R3HDM2: variants seen among roughly 807,000 people sequenced by gnomAD.
R3HDM2 encodes the protein R3H domain-containing protein 2.
R3HDM2 carries 38 observed loss-of-function variants against 124.5 expected under a neutral mutation model. That is an observed-to-expected ratio of 0.31 (90% CI 0.24 to 0.40). The LOEUF (loss-of-function observed/expected upper bound fraction) is 0.40, where lower values mean the gene tolerates loss of function less well. R3HDM2 is among the 10% of genes least tolerant of loss of function. R3HDM2 has a pLI of 1.00. For missense variants in R3HDM2, 869 were observed against 1,236.9 expected (o/e 0.70, Z 4.46); for synonymous variants, 391 against 448.0 (o/e 0.87, Z 1.61).
At chr12:57,272,273 G>A (rs2043749155) in intron 14 of R3HDM2, among the ~76,000 whole-genome samples, 1 of 152,122 alleles carries the variant, frequency 6.6e-6, no homozygotes, top group Non-Finnish European at 1.5e-5. Context: ...TTGATGTGCT[G>A]TGATGAGGCC....
chr12:57,391,325 G>A (rs2066651559), intron 2 of R3HDM2, among the ~76,000 whole-genome samples: 1 of 152,180 alleles, frequency 6.6e-6, no homozygotes, highest in East Asian at 1.9e-4. Flanking sequence ...AAGTGGGGCA[G>A]GGGTTGGGGT....
rs551843724 is a variant in R3HDM2, at chr12:57,285,793, C to T, written c.939-1737G>A. On this transcript the variant is annotated intron_variant, in intron 12 of 23. Coordinates refer to ENST00000402412, the MANE Select transcript of R3HDM2 (RefSeq NM_001394031.1). Reference sequence around the variant, plus strand: ...GCAAGACAAGTCCTAAAGGCCTTTTCCACTGAAAAGGAAATCCTGCCATTT... The same window carrying T: ...GCAAGACAAGTCCTAAAGGCCTTTTTCACTGAAAAGGAAATCCTGCCATTT... Among the ~76,000 whole-genome samples, 100 of 152,274 alleles carry T rather than the reference C, an allele frequency of 6.6e-4. 1 individual carries two copies. The highest frequency in any genetic ancestry group is 2.4e-3 in the African/African-American group (98 of 41,566).
intron 1 of R3HDM2, among the ~76,000 whole-genome samples, chr12:57,417,147 T>TA (rs920323644): frequency 2.2e-4 from 33 of 149,818 alleles, no homozygotes; most frequent in African/African-American, 8.2e-4. Context: ...AAAGCCTAGG[T>TA]AATCCCAGCA....
intron 2 of R3HDM2, among the ~76,000 whole-genome samples, chr12:57,370,708 T>C (rs1452668056): frequency 1.3e-5 from 2 of 152,170 alleles, no homozygotes; most frequent in Admixed American, 1.3e-4. Flanking sequence ...AGTATGTTTA[T>C]AGCAGTGTGA....
intron 2 of R3HDM2, among the ~76,000 whole-genome samples, chr12:57,321,621 A>C (rs1168456352): frequency 6.6e-6 from 1 of 152,164 alleles, no homozygotes; most frequent in Non-Finnish European, 1.5e-5. Context: ...ATTGCACTCC[A>C]GGCTGGGCAA....
intron 1 of R3HDM2, among the ~76,000 whole-genome samples, chr12:57,402,410 G>A (rs777131520): frequency 1.3e-5 from 2 of 152,180 alleles, no homozygotes; most frequent in Middle Eastern, 6.9e-3. Context: ...GTGCAGTGAC[G>A]CCATTTCAGC....
intron 14 of R3HDM2, among the ~76,000 whole-genome samples, chr12:57,270,951 G>A (rs761565885): frequency 1.3e-5 from 2 of 152,254 alleles, no homozygotes; most frequent in Admixed American, 6.5e-5. Context: ...ACAAACTAGC[G>A]GCTTAACGAA....
intron 18 of R3HDM2, 150 bp from the exon 19 acceptor site, chr12:57,266,981 T>C: frequency 1.7e-6 from 1 of 577,610 alleles, no homozygotes; most frequent in Non-Finnish European, 3.1e-6. Flanking sequence ...ATTTCTAAAA[T>C]CACTCATCAG....
At chr12:57,404,200 G>A (rs2068312139) in intron 1 of R3HDM2, among the ~76,000 whole-genome samples, 2 of 148,188 alleles carry the variant, frequency 1.3e-5, no homozygotes, top group East Asian at 2.0e-4. Flanking sequence ...GAGTAGCTGC[G>A]ATTACAGGCA....
intron 2 of R3HDM2, among the ~76,000 whole-genome samples, chr12:57,336,725 C>T (rs1403145200): frequency 6.6e-6 from 1 of 151,410 alleles, no homozygotes; most frequent in Non-Finnish European, 1.5e-5. Context: ...CTGGGCTTAA[C>T]ACTGGTGGCA....
rs761312612 is a variant in R3HDM2 at position 57,401,180 on chromosome 12, CA to C, written c.-105-5363del. Among the ~76,000 whole-genome samples the C allele has an allele frequency of 6.6e-3, 919 of 140,062 alleles. 5 individuals are homozygous for C. Among genetic ancestry groups the C allele is most frequent in the Non-Finnish European group, 9.6e-3 (613 of 63,888 alleles). 91.9% of individuals were successfully genotyped at this position (140,062 alleles called of 152,430 possible). ...TCCCATAAAGAAGTGCAGTTCGTCT[CA>C]AAAAAAAAAAAGAGTGTAGTTCATT... is the stretch of plus-strand genomic sequence containing the variant. On this transcript the variant is annotated intron_variant, in intron 1 of 23. Coordinates refer to ENST00000402412, the MANE Select transcript of R3HDM2 (RefSeq NM_001394031.1).
chr12:57,424,594 T>C (rs954491779), intron 1 of R3HDM2, among the ~76,000 whole-genome samples: 8 of 152,338 alleles, frequency 5.3e-5, no homozygotes, highest in African/African-American at 1.7e-4. Flanking sequence ...CAAGGATTTC[T>C]TGATGCCCAT....
chr12:57,323,776 T>C (rs1164072994), intron 2 of R3HDM2, among the ~76,000 whole-genome samples: 2 of 152,156 alleles, frequency 1.3e-5, no homozygotes, highest in Non-Finnish European at 2.9e-5. Flanking sequence ...TGTCAGCCTC[T>C]CTACATTCTT....
chr12:57,262,594 T>C (rs1364272135), intron 19 of R3HDM2, among the ~76,000 whole-genome samples: 1 of 152,196 alleles, frequency 6.6e-6, no homozygotes, highest in Non-Finnish European at 1.5e-5. Flanking sequence ...TCCTAATCCC[T>C]GCCTTTATTT....
intron 2 of R3HDM2, among the ~76,000 whole-genome samples, chr12:57,376,787 T>TA (rs2064122398): frequency 6.6e-6 from 1 of 151,318 alleles, no homozygotes; most frequent in Non-Finnish European, 1.5e-5. Flanking sequence ...CCATCTCTAC[T>TA]AAAAAATACA....
At chr12:57,342,747 C>G (rs1006898709) in intron 2 of R3HDM2, among the ~76,000 whole-genome samples, 6 of 152,160 alleles carry the variant, frequency 3.9e-5, no homozygotes, top group Non-Finnish European at 5.9e-5. Context: ...TTCTCACCTG[C>G]AAAATAACTG....
intron 18 of R3HDM2, 64 bp downstream of exon 18, chr12:57,268,239 A>G (rs1468068135): frequency 1.3e-6 from 2 of 1,551,036 alleles, no homozygotes; most frequent in Non-Finnish European, 1.8e-6. Context: ...AAACAAAACC[A>G]TGATGCAACT....
At chr12:57,406,995 T>A (rs1347204656) in intron 1 of R3HDM2, among the ~76,000 whole-genome samples, 1 of 152,122 alleles carries the variant, frequency 6.6e-6, no homozygotes, top group Non-Finnish European at 1.5e-5. Flanking sequence ...TGGCCTGTAA[T>A]CCCAGCACTT....
chr12:57,256,650 A>G (rs1025433164), intron 21 of R3HDM2, 139 bp from the exon 22 acceptor site: 60 of 619,858 alleles, frequency 9.7e-5, no homozygotes, highest in South Asian at 2.1e-5. Context: ...TGCGACTGGT[A>G]TAAGAGTTGT....
Sources: allele counts gnomAD v4.1 joint callset (sites outside exome capture counted in the v4.1 genomes callset), GRCh38; gene constraint gnomAD v4.1.1; transcripts MANE v1.5; gene names NCBI Gene and HGNC (gene_info 2026-07-23, HGNC 2026-07-21).